COL4A4: variants seen among roughly 807,000 people sequenced by gnomAD.
COL4A4 encodes collagen type IV alpha 4 chain.
A neutral mutation model predicts 192.9 loss-of-function variants in COL4A4; 105 were observed. That is an observed-to-expected ratio of 0.54 (90% confidence interval 0.46 to 0.64). COL4A4 has a LOEUF of 0.64. Among genes scored for constraint, COL4A4 ranks in the 30% least tolerant of loss-of-function variants. COL4A4 has a pLI of 0.00. For synonymous variants in COL4A4, 762 were observed against 769.9 expected, an observed-to-expected ratio of 0.99 and a Z score of 0.17; for missense variants, 1,967 against 2,169.3, an observed-to-expected ratio of 0.91 and a Z score of 1.85.
the COL4A4 span, among the ~76,000 whole-genome samples, chr2:226,967,809 G>A: frequency 6.6e-6 from 1 of 152,044 alleles, no homozygotes; most frequent in East Asian, 1.9e-4. Flanking sequence ...AATGATAGGA[G>A]TCAGGGTAGA....
intron 3 of COL4A4, among the ~76,000 whole-genome samples, chr2:227,143,213 C>A (rs1457566956): frequency 6.6e-6 from 1 of 152,196 alleles, no homozygotes; most frequent in Non-Finnish European, 1.5e-5. Context: ...ACATACCATA[C>A]TTTGTTTAAC....
At chr2:227,049,162 G>GTATA (rs1224306506) in intron 34 of COL4A4, among the ~76,000 whole-genome samples, 1 of 152,152 alleles carries the variant, frequency 6.6e-6, no homozygotes, top group African/African-American at 2.4e-5. Context: ...TAACCCAATG[G>GTATA]TATACCAAGA....
chr2:227,102,964 C>G, intron 14 of COL4A4, 116 bp from the exon 15 acceptor site: 1 of 1,210,258 alleles, frequency 8.3e-7, no homozygotes, highest in Non-Finnish European at 1.2e-6. Flanking sequence ...TTATTGTCAG[C>G]AGCTTAAAGA....
chr2:227,002,187 A>AAAAAGGCC (rs1559383743), downstream of COL4A4, among the ~76,000 whole-genome samples: 12 of 149,624 alleles, frequency 8.0e-5, no homozygotes, highest in African/African-American at 2.7e-4. Flanking sequence ...AAAAAAAAAA[A>AAAAAGGCC]AAAAGGCCAC....
Position 227,041,114 on chromosome 2 carries a change from G to T in COL4A4, c.3505+1034C>A, listed in dbSNP as rs372354381. 6.6e-4 allele frequency among the ~76,000 whole-genome samples: 100 copies of T among 152,030 alleles called. No homozygotes were observed. In the East Asian group the frequency reaches 0.019, roughly 29 times the overall value. On this transcript the variant is annotated intron_variant, in intron 37 of 47. Transcript: ENST00000396625. ...TATTCTATATCTGTAGCACCTTATT[G>T]TTTTCTCTTCCACTTATCATGATCA... is the stretch of plus-strand genomic sequence containing the variant.
At chr2:227,017,504 G>A (rs1207084504) in intron 44 of COL4A4, among the ~76,000 whole-genome samples, 1 of 152,240 alleles carries the variant, frequency 6.6e-6, no homozygotes, top group African/African-American at 2.4e-5. Context: ...CAGGGTGTGG[G>A]TACATCCATT....
At chr2:227,057,378 G>A in intron 29 of COL4A4, 61 bp downstream of exon 29, 2 of 1,530,436 alleles carry the variant, frequency 1.3e-6, no homozygotes, top group South Asian at 1.2e-5. Flanking sequence ...AGAGTAAAAG[G>A]GGAGCTTATT....
intron 25 of COL4A4, among the ~76,000 whole-genome samples, chr2:227,072,113 G>C (rs111260713): frequency 6.6e-6 from 1 of 151,708 alleles, no homozygotes; most frequent in Non-Finnish European, 1.5e-5. Flanking sequence ...TAGTTAAAAA[G>C]CCGTTTCCTT....
chr2:227,078,949 G>A (rs1238070937), intron 24 of COL4A4, among the ~76,000 whole-genome samples: 1 of 152,190 alleles, frequency 6.6e-6, no homozygotes, highest in Non-Finnish European at 1.5e-5. Context: ...ATTTGCATCT[G>A]GTCTGGAAGA....
rs2060333010 is a variant in COL4A4 at position 227,098,609 on chromosome 2, T to C, written c.1204+85A>G. 3 of 1,010,928 alleles carry C rather than the reference T, an allele frequency of 3.0e-6. No individual in the cohort carries two copies. The East Asian group carries it at 7.3e-5, about 25-fold the overall frequency. 62.6% of individuals were successfully genotyped at this position (1,010,928 alleles called of 1,614,324 possible). A position where few individuals can be genotyped will look rare whatever the true frequency, so the allele number is the denominator to read the frequency against. Reference sequence around the variant, plus strand: ...ACACAATCCTAAGGTGATTCCAATATCAGCTACAGTTGAAAGCTACTGGTG... The same window carrying C: ...ACACAATCCTAAGGTGATTCCAATACCAGCTACAGTTGAAAGCTACTGGTG... On this transcript the variant is annotated intron_variant, in intron 19 of 47. Coordinates refer to ENST00000396625, the MANE Select transcript of COL4A4 (RefSeq NM_000092.5).
chr2:227,087,229 C>A (rs1046183709), intron 22 of COL4A4, among the ~76,000 whole-genome samples: 1 of 152,222 alleles, frequency 6.6e-6, no homozygotes, highest in African/African-American at 2.4e-5. Context: ...TGAGGTAAAT[C>A]TCATCCACTC....
At chr2:226,976,785 T>C in the COL4A4 span, among the ~76,000 whole-genome samples, 105 of 152,126 alleles carry the variant, frequency 6.9e-4, 1 homozygote, top group Admixed American at 3.9e-4. Context: ...GTGTCTGGAG[T>C]GAGGCCTCTT....
At chr2:227,053,498 C>T (rs1281341487) in intron 31 of COL4A4, among the ~76,000 whole-genome samples, 1 of 149,896 alleles carries the variant, frequency 6.7e-6, no homozygotes, top group African/African-American at 2.5e-5. Flanking sequence ...AACCATTGGT[C>T]TCAAAACTTA....
At chr2:227,012,426 C>T in intron 44 of COL4A4, 129 bp from the exon 45 acceptor site, 2 of 733,304 alleles carry the variant, frequency 2.7e-6, no homozygotes, top group East Asian at 5.3e-5. Flanking sequence ...AATGCATCAG[C>T]TCATTTAGTC....
At chr2:227,133,744 T>G (rs2062630829) in intron 4 of COL4A4, among the ~76,000 whole-genome samples, 1 of 151,812 alleles carries the variant, frequency 6.6e-6, no homozygotes, top group South Asian at 2.1e-4. Context: ...ATACAAACAT[T>G]AGCCAAGTGC....
At chr2:227,126,620 G>A (rs757144863) in intron 4 of COL4A4, among the ~76,000 whole-genome samples, 24 of 151,948 alleles carry the variant, frequency 1.6e-4, no homozygotes, top group African/African-American at 3.9e-4. Flanking sequence ...TATTTAGTGC[G>A]GTTTTTTTGT....
chr2:227,062,618 G>A lies in COL4A4; in HGVS notation c.1988-20C>T, dbSNP rs1977416031. The stretch of plus-strand genomic sequence containing the variant: ...TGTCACCTGCAATGAGAAAAGAAAA[G>A]CGGCATTCACATAACTGATAGCCCA... On this transcript the variant is annotated intron_variant, in intron 25 of 47. Transcript: ENST00000396625. 2 of 1,594,610 alleles carry A rather than the reference G, an allele frequency of 1.3e-6. No individual in the cohort carries two copies. The highest frequency in any genetic ancestry group is 1.7e-6 in the Non-Finnish European group (2 of 1,162,510).
intron 22 of COL4A4, among the ~76,000 whole-genome samples, chr2:227,083,652 C>CT (rs1378024304): frequency 6.6e-6 from 1 of 152,082 alleles, no homozygotes; most frequent in Non-Finnish European, 1.5e-5. Flanking sequence ...TGGGGTCTTG[C>CT]TGTATTGCCC....
chr2:226,969,219 G>A, the COL4A4 span: 1 of 152,120 alleles, frequency 6.6e-6, no homozygotes, highest in African/African-American at 2.4e-5. Context: ...GTAACAGAGA[G>A]CCTGATTGTT....
Sources: allele counts gnomAD v4.1 joint callset (sites outside exome capture counted in the v4.1 genomes callset), GRCh38; gene constraint gnomAD v4.1.1; transcripts MANE v1.5; gene names NCBI Gene and HGNC (gene_info 2026-07-23, HGNC 2026-07-21).